CBLB: variants seen among roughly 807,000 people sequenced by gnomAD.
The protein encoded by CBLB is Cbl proto-oncogene B, also known as E3 ubiquitin-protein ligase CBL-B.
A neutral mutation model predicts 104.9 loss-of-function variants in CBLB; 31 were observed. The ratio of observed to expected loss-of-function variants is 0.30; its 90% CI spans 0.22 to 0.40. The LOEUF is 0.40. Among genes scored for constraint, CBLB ranks in the 10% least tolerant of loss-of-function variants. The probability of loss-of-function intolerance (pLI) is 1.00; values close to 1 mark genes in which losing one functional copy is unlikely to be tolerated. For synonymous variants in CBLB, 440 were observed against 422.6 expected (o/e 1.04, Z -0.51); for missense variants, 1,062 against 1,214.6 (o/e 0.87, Z 1.87).
intron 3 of CBLB, among the ~76,000 whole-genome samples, chr3:105,822,479 A>G (rs1312743886): frequency 6.6e-6 from 1 of 152,194 alleles, no homozygotes; most frequent in African/African-American, 2.4e-5. Flanking sequence ...CTTCTTTTGA[A>G]AGTGAACTAA....
intron 14 of CBLB, among the ~76,000 whole-genome samples, chr3:105,683,841 T>TA (rs993464063): frequency 1.3e-5 from 2 of 152,168 alleles, no homozygotes; most frequent in African/African-American, 2.4e-5. Flanking sequence ...TTCTTGCTTT[T>TA]AAAAAAATAA....
intron 7 of CBLB, among the ~76,000 whole-genome samples, chr3:105,739,360 C>T (rs2075291844): frequency 6.6e-6 from 1 of 152,084 alleles, no homozygotes; most frequent in African/African-American, 2.4e-5. Flanking sequence ...CTTTTTCCTT[C>T]TAGGTTTCTA....
chr3:105,824,176 G>A (rs2086254329), intron 3 of CBLB: 1 of 152,160 alleles, frequency 6.6e-6, no homozygotes. Context: ...TTTATAAGCT[G>A]TCAAATCCAC....
intron 4 of CBLB, among the ~76,000 whole-genome samples, chr3:105,754,501 G>A (rs2076872190): frequency 1.6e-5 from 1 of 62,304 alleles, no homozygotes; most frequent in South Asian, 7.1e-4. Flanking sequence ...GGAAGAGAGA[G>A]AGAGAGAGAG....
chr3:105,869,262 CT>C, upstream of CBLB: 2 of 794,110 alleles, frequency 2.5e-6, no homozygotes, highest in South Asian at 2.8e-5. Flanking sequence ...AATGAGGGGC[CT>C]GGACTCTCCC....
intron 3 of CBLB, among the ~76,000 whole-genome samples, chr3:105,831,946 G>A (rs911094112): frequency 6.6e-6 from 1 of 151,970 alleles, no homozygotes; most frequent in African/African-American, 2.4e-5. Context: ...AATACACAGA[G>A]GGATACTGAA....
chr3:105,791,251 A>T (rs564970379), intron 3 of CBLB, among the ~76,000 whole-genome samples: 1 of 152,348 alleles, frequency 6.6e-6, no homozygotes, highest in South Asian at 2.1e-4. Context: ...CCTATGTCTT[A>T]GAAGCAGATG....
At chr3:105,786,877 G>A (rs896501658) in intron 3 of CBLB, among the ~76,000 whole-genome samples, 5 of 152,010 alleles carry the variant, frequency 3.3e-5, no homozygotes, top group African/African-American at 1.2e-4. Context: ...TGAAAGAAAT[G>A]GTATAGCTGA....
chr3:105,727,401 T>G (rs1311753349), intron 9 of CBLB, among the ~76,000 whole-genome samples: 1 of 152,048 alleles, frequency 6.6e-6, no homozygotes, highest in Non-Finnish European at 1.5e-5. Flanking sequence ...ACTTTGTTTT[T>G]TTTTCTTGGA....
At chr3:105,771,462 A>C (rs72995662) in intron 4 of CBLB, among the ~76,000 whole-genome samples, 2,658 of 152,270 alleles carry the variant, frequency 0.017, 71 homozygotes, top group African/African-American at 0.06. Context: ...ATTCCCCCTG[A>C]GAATTGTAAC....
intron 4 of CBLB, among the ~76,000 whole-genome samples, chr3:105,761,313 T>A (rs1385636010): frequency 6.6e-6 from 1 of 152,220 alleles, no homozygotes; most frequent in Non-Finnish European, 1.5e-5. Flanking sequence ...ATTACAGGCA[T>A]GAGCCACTGC....
intron 3 of CBLB, among the ~76,000 whole-genome samples, chr3:105,826,095 G>T (rs13084138): frequency 1.9e-4 from 2 of 10,594 alleles, no homozygotes; most frequent in Non-Finnish European, 7.3e-4. Context: ...AGCATGACAC[G>T]GCTCCAGCAT....
At chr3:105,740,444 T>C in intron 7 of CBLB, 50 bp downstream of exon 7, 1 of 1,604,076 alleles carries the variant, frequency 6.2e-7, no homozygotes, top group Non-Finnish European at 8.5e-7. Context: ...AATCTTTATT[T>C]TTCAAATTCA....
intron 3 of CBLB, among the ~76,000 whole-genome samples, chr3:105,797,493 C>A (rs1307501943): frequency 6.6e-6 from 1 of 152,122 alleles, no homozygotes; most frequent in Non-Finnish European, 1.5e-5. Flanking sequence ...CCATGGGGAA[C>A]TATGCTTATT....
intron 4 of CBLB, among the ~76,000 whole-genome samples, chr3:105,769,540 T>C (rs1387258752): frequency 6.6e-6 from 1 of 152,154 alleles, no homozygotes; most frequent in African/African-American, 2.4e-5. Context: ...ATTAGGGTAC[T>C]AAAGTAAAGC....
At chr3:105,707,450 TAGAGTA>T (rs1559901819) in intron 10 of CBLB, among the ~76,000 whole-genome samples, 2 of 145,162 alleles carry the variant, frequency 1.4e-5, no homozygotes, top group African/African-American at 5.0e-5. Context: ...TCTCCTAAAT[TAGAGTA>T]AAATTCCTAC....
chr3:105,668,484 C>T (rs1005505777), intron 18 of CBLB, among the ~76,000 whole-genome samples: 1 of 152,136 alleles, frequency 6.6e-6, no homozygotes, highest in Non-Finnish European at 1.5e-5. Context: ...TCAGTCATAG[C>T]ACTTTGCTCA....
chr3:105,703,149 CTT>C (rs1489285690), intron 11 of CBLB, among the ~76,000 whole-genome samples: 2 of 152,058 alleles, frequency 1.3e-5, no homozygotes. Flanking sequence ...TAGCTTTTGA[CTT>C]TTATTTACAT....
intron 12 of CBLB, 78 bp from the exon 13 acceptor site, chr3:105,693,666 T>C (rs1260177349): frequency 1.1e-6 from 1 of 899,726 alleles, no homozygotes; most frequent in Non-Finnish European, 1.8e-6. Context: ...TCTACCATTC[T>C]GAAGACAATA....
Sources: gnomAD v4.1 joint callset for allele counts (sites outside exome capture counted in the v4.1 genomes callset) on GRCh38, gnomAD v4.1.1 for gene constraint, MANE v1.5 for transcripts, NCBI Gene and HGNC (gene_info 2026-07-23, HGNC 2026-07-21) for gene names.